Variants in FN1 observed in about 807,000 individuals in gnomAD.
The protein encoded by FN1 is fibronectin.
In FN1, 106 loss-of-function variants were observed where a neutral mutation model predicts 297.3. That is an observed-to-expected ratio of 0.36 (90% CI 0.30 to 0.42). The LOEUF (loss-of-function observed/expected upper bound fraction) is 0.42. Ranked by LOEUF, FN1 falls within the 10% of genes least tolerant of loss-of-function variation. The probability of loss-of-function intolerance (pLI) is 1.00; values close to 1 mark genes in which losing one functional copy is unlikely to be tolerated. For synonymous variants in FN1, 1,149 were observed against 1,152.6 expected, an observed-to-expected ratio of 1.00 and a Z score of 0.06; for missense variants, 2,690 against 3,124.9, an observed-to-expected ratio of 0.86 and a Z score of 3.32.
intron 2 of FN1, among the ~76,000 whole-genome samples, chr2:215,434,323 G>A (rs143113942): frequency 8.5e-5 from 13 of 152,304 alleles, no homozygotes; most frequent in African/African-American, 2.2e-4. Flanking sequence ...ATTTTACGAT[G>A]TAAGTCCCCA....
In FN1 at chr2:215,422,107, G is replaced by A. The variant is rs61263981; in HGVS notation, c.1530C>T (p.Ala510=). The part of the protein sequence containing the change: ...GNGRGEWTCI[A]YSQLRDQCIV... ...CCAGCATACCTCGAAGCTGCGAGTA[G>A]GCAATGCATGTCCATTCCCCACGAC... Residue 510 remains alanine (A), a synonymous_variant, in exon 10 of 46, where the codon GCC becomes GCT. Transcript: ENST00000354785. 1.7e-3 allele frequency: 2,778 copies of A among 1,614,168 alleles called. 50 individuals are homozygous for A. In the African/African-American group the frequency reaches 0.031, roughly 18 times the overall value.
At chr2:215,426,322 G>A (rs1399530974) in intron 6 of FN1, among the ~76,000 whole-genome samples, 1 of 151,606 alleles carries the variant, frequency 6.6e-6, no homozygotes, top group Non-Finnish European at 1.5e-5. Flanking sequence ...CTAATTTTTT[G>A]TATTTTTAGT....
chr2:215,364,921 A>G lies in FN1; in HGVS notation c.7209T>C (p.Tyr2403=), dbSNP rs541854686. The G allele has an allele frequency of 7.0e-6, 11 of 1,575,102 alleles. No individual in the cohort carries two copies. Among genetic ancestry groups the G allele is most frequent in the African/African-American group, 6.7e-5 (5 of 74,606 alleles). The change falls in exon 44 of 46, where the codon TAT becomes TAC. Residue 2403 remains tyrosine (Y), a synonymous_variant. Coordinates refer to ENST00000354785, the MANE Select transcript of FN1 (RefSeq NM_212482.4). ...ATGTGCAGGAGCAAATGGCACCGAG[A>G]TATTCCTTCTGCCACTGTTCTCCTA... is the stretch of plus-strand genomic sequence containing the variant. ...YHVGEQWQKE[Y]LGAICSCTCF...
At chr2:215,376,773 A>C (rs2057351586) in intron 35 of FN1, 99 bp from the exon 36 acceptor site, 1 of 996,628 alleles carries the variant, frequency 1.0e-6, no homozygotes, top group Non-Finnish European at 1.5e-6. Context: ...AAATTCATCC[A>C]TTTCAAGAAA....
intron 20 of FN1, among the ~76,000 whole-genome samples, chr2:215,402,739 C>G (rs2061311086): frequency 6.6e-6 from 1 of 152,134 alleles, no homozygotes; most frequent in Admixed American, 6.5e-5. Flanking sequence ...ATGTTCCAGA[C>G]ACTATGTTAA....
chr2:215,397,059 G>A, intron 23 of FN1, 78 bp downstream of exon 23: 1 of 956,002 alleles, frequency 1.0e-6, no homozygotes, highest in South Asian at 1.3e-5. Context: ...TTCTTTCTCT[G>A]AAAGAAACAC....
At chr2:215,402,932 C>T (rs2061330973) in intron 20 of FN1, among the ~76,000 whole-genome samples, 1 of 152,094 alleles carries the variant, frequency 6.6e-6, no homozygotes, top group Non-Finnish European at 1.5e-5. Flanking sequence ...AATGCTTTTT[C>T]TTTTATAAGC....
At chr2:215,383,783 G>A (rs1210533776) in intron 30 of FN1, among the ~76,000 whole-genome samples, 1 of 152,126 alleles carries the variant, frequency 6.6e-6, no homozygotes, top group Non-Finnish European at 1.5e-5. Flanking sequence ...CACTCTCTAT[G>A]CCTGTCGTAT....
chr2:215,370,203 A>G (rs2106213883), intron 41 of FN1, 91 bp downstream of exon 41: 6 of 1,325,572 alleles, frequency 4.5e-6, no homozygotes, highest in Non-Finnish European at 6.5e-6. Flanking sequence ...AGATAAAAAG[A>G]CAATGGCAAC....
chr2:215,373,255 G>T, intron 39 of FN1, 67 bp downstream of exon 39: 3 of 1,254,378 alleles, frequency 2.4e-6, no homozygotes, highest in African/African-American at 1.5e-5. Flanking sequence ...TTTTCATATT[G>T]CAAGATTGCT....
At chr2:215,435,518 G>A (rs2067311085) in intron 1 of FN1, 137 bp downstream of exon 1, 1 of 1,294,512 alleles carries the variant, frequency 7.7e-7, no homozygotes, top group Non-Finnish European at 1.1e-6. Context: ...GTCCTTTTGT[G>A]TGCACAGCTG....
At position 215,393,172 on chromosome 2, in the gene FN1, A is replaced by T. The variant is rs767041841; in HGVS notation, c.3828T>A (p.Val1276=). The T allele has an allele frequency of 6.2e-7, 1 of 1,614,012 alleles. No individual in the cohort carries two copies. The change falls in exon 25 of 46, where the codon GTT becomes GTA. Residue 1276 remains valine (V), a synonymous_variant. Transcript: ENST00000354785. ...GGCCGATGCTTGAATCGGTTATATC[A>T]ACAAAGCTTAGGTCAGTGAGTTGGG... is the stretch of plus-strand genomic sequence containing the variant. ...EVPQLTDLSF[V]DITDSSIGLR...
At chr2:215,398,833 C>T (rs754826552) in intron 21 of FN1, among the ~76,000 whole-genome samples, 2 of 152,168 alleles carry the variant, frequency 1.3e-5, no homozygotes, top group Non-Finnish European at 1.5e-5. Flanking sequence ...GGAGATGAAA[C>T]TGATTGGATG....
At chr2:215,400,838 C>A (rs1186992128) in intron 20 of FN1, among the ~76,000 whole-genome samples, 1 of 150,508 alleles carries the variant, frequency 6.6e-6, no homozygotes. Flanking sequence ...CTCTGTCACC[C>A]AGGCTGGAGT....
At position 215,367,888 on chromosome 2, in the gene FN1, A is replaced by G. The variant is rs1176106598; in HGVS notation, c.6993T>C (p.Ser2331=). The G allele has an allele frequency of 5.0e-6, 8 of 1,614,108 alleles. No individual in the cohort carries two copies. The highest frequency in any genetic ancestry group is 6.8e-6 in the Non-Finnish European group (8 of 1,179,952). ...KLLCQCLGFG[S]GHFRCDSSRW... is the part of the protein sequence containing the mutation. Reference sequence around the variant, plus strand: ...TAGATGAATCACATCTGAAATGACCACTTCCAAAGCCTAAGCACTGGCACA... The same window carrying G: ...TAGATGAATCACATCTGAAATGACCGCTTCCAAAGCCTAAGCACTGGCACA... Residue 2331 remains serine (S), a synonymous_variant, in exon 42 of 46, where the codon AGT becomes AGC. Transcript: ENST00000354785.
At position 215,382,223 on chromosome 2, in the gene FN1, G is replaced by A; in HGVS notation, c.5153C>T (p.Thr1718Ile). ...PSGESQPLVQ[T>I]AVTNIDRPKG... Reference sequence around the variant, plus strand: ...CAGTGGTTACGTACTGGTTACTGCAGTCTGAACCAGAGGCTGACTCTCTCC... The same window carrying A: ...CAGTGGTTACGTACTGGTTACTGCAATCTGAACCAGAGGCTGACTCTCTCC... The change falls in exon 32 of 46, where the codon ACT becomes ATT. Residue 1718 changes from threonine to isoleucine, a missense_variant. This residue lies in a region of FN1 where 1,743 missense variants were observed against 1,945.2 expected (regional missense o/e 0.90). Transcript: ENST00000354785. The A allele has an allele frequency of 6.2e-7, 1 of 1,611,800 alleles. No individual in the cohort carries two copies. Among genetic ancestry groups the A allele is most frequent in the Non-Finnish European group, 8.5e-7 (1 of 1,177,876 alleles).
chr2:215,408,157 A>T lies in FN1; in HGVS notation c.2469T>A (p.Asp823Glu). 1 of 1,614,166 alleles carries T rather than the reference A, an allele frequency of 6.2e-7. No individual in the cohort carries two copies. Among genetic ancestry groups the T allele is most frequent in the Non-Finnish European group, 8.5e-7 (1 of 1,180,036 alleles). Reference sequence around the variant, plus strand: ...TCCAGCGAACAACAATTGAGGTGTCATCAACTTGGTCCACAGTCGTGTCAG... The same window carrying T: ...TCCAGCGAACAACAATTGAGGTGTCTTCAACTTGGTCCACAGTCGTGTCAG... ...APPDTTVDQV[D>E]DTSIVVRWSR... Residue 823 changes from aspartate to glutamate, a missense_variant, in exon 17 of 46, where the codon GAT (aspartate) becomes GAA (glutamate). By Grantham distance (45) the Asp-to-Glu change is conservative. This residue lies in a region of FN1 where 876 missense variants were observed against 1,058.1 expected (regional missense o/e 0.83). Coordinates refer to ENST00000354785, the MANE Select transcript of FN1 (RefSeq NM_212482.4).
intron 12 of FN1, among the ~76,000 whole-genome samples, chr2:215,415,601 T>A (rs1462119869): frequency 2.0e-5 from 3 of 152,144 alleles, no homozygotes. Context: ...ATCACACCAT[T>A]GATCCATCAA....
intron 38 of FN1, among the ~76,000 whole-genome samples, chr2:215,373,671 CTTTTTTTTTTTTTTTTT>C (rs58966623): frequency 8.0e-6 from 1 of 125,448 alleles, no homozygotes; most frequent in South Asian, 2.5e-4. Context: ...CCAGGGTATT[CTTTTTTTTTTTTTTTTT>C]TTTTTTTTTG....
Sources: gnomAD v4.1 joint callset for allele counts (sites outside exome capture counted in the v4.1 genomes callset) on GRCh38, gnomAD v4.1.1 for gene constraint, gnomAD v4.1.1 regional missense constraint, MANE v1.5 for transcripts, NCBI Gene and HGNC (gene_info 2026-07-23, HGNC 2026-07-21) for gene names.